NEGR1: variants seen among roughly 807,000 people sequenced by gnomAD.
The protein encoded by NEGR1 is neuronal growth regulator 1.
In NEGR1, 10 loss-of-function variants were observed where a neutral mutation model predicts 40.9. The ratio of observed to expected loss-of-function variants is 0.24; its 90% CI spans 0.15 to 0.42. NEGR1 has a LOEUF of 0.42. NEGR1 is among the 10% of genes least tolerant of loss of function. NEGR1 has a pLI of 1.00. For synonymous variants in NEGR1, 185 were observed against 166.8 expected, an observed-to-expected ratio of 1.11 and a Z score of -0.84; for missense variants, 352 against 438.9, an observed-to-expected ratio of 0.80 and a Z score of 1.77.
chr1:71,671,643 C>G (rs187688128), intron 4 of NEGR1, among the ~76,000 whole-genome samples: 132 of 152,234 alleles, frequency 8.7e-4, no homozygotes, highest in African/African-American at 3.0e-3. Flanking sequence ...CATCCTTTAT[C>G]TTTCATCACA....
At chr1:72,133,365 T>C (rs1468133219) in intron 1 of NEGR1, among the ~76,000 whole-genome samples, 1 of 152,126 alleles carries the variant, frequency 6.6e-6, no homozygotes, top group Non-Finnish European at 1.5e-5. Flanking sequence ...AAATATGTAA[T>C]GCAATGGGAA....
At chr1:71,457,519 G>C (rs1646681966) in intron 6 of NEGR1, among the ~76,000 whole-genome samples, 1 of 152,112 alleles carries the variant, frequency 6.6e-6, no homozygotes, top group East Asian at 1.9e-4. Context: ...AGGAAAAAGA[G>C]GAAACAAGAG....
rs1209579768 is a variant in NEGR1 at position 71,857,990 on chromosome 1, C to A, written c.409+77089G>T. Reference sequence around the variant, plus strand: ...ATATTCTCCAGGGCATTCAATTTGGCAGGCTTCACTTTTCTTTTCAACTCT... The same window carrying A: ...ATATTCTCCAGGGCATTCAATTTGGAAGGCTTCACTTTTCTTTTCAACTCT... On this transcript the variant is annotated intron_variant, in intron 2 of 6. Transcript: ENST00000357731. Among the ~76,000 whole-genome samples, 7 of 151,976 alleles carry A rather than the reference C, an allele frequency of 4.6e-5. No individual in the cohort carries two copies. The East Asian group carries it at 1.4e-3, about 29-fold the overall frequency.
At chr1:71,818,172 T>A (rs1171707518) in intron 2 of NEGR1, among the ~76,000 whole-genome samples, 1 of 151,842 alleles carries the variant, frequency 6.6e-6, no homozygotes, top group Non-Finnish European at 1.5e-5. Flanking sequence ...GACCCAGCAA[T>A]CTCATTATTA....
chr1:71,802,172 A>C (rs1657585948), intron 2 of NEGR1, among the ~76,000 whole-genome samples: 1 of 152,194 alleles, frequency 6.6e-6, no homozygotes, highest in Non-Finnish European at 1.5e-5. Context: ...GCTTAAGATA[A>C]AATGAGAAAG....
chr1:72,165,704 G>A (rs1337390776), intron 1 of NEGR1, among the ~76,000 whole-genome samples: 1 of 151,750 alleles, frequency 6.6e-6, no homozygotes, highest in Non-Finnish European at 1.5e-5. Context: ...GTCCATTCTC[G>A]GCATCTAAAT....
intron 1 of NEGR1, among the ~76,000 whole-genome samples, chr1:72,159,062 G>A (rs769004313): frequency 6.6e-6 from 1 of 152,082 alleles, no homozygotes; most frequent in Non-Finnish European, 1.5e-5. Context: ...TGTGAAATTT[G>A]TGTACTAGAT....
At chr1:71,953,644 GT>G (rs1438552411) in intron 1 of NEGR1, among the ~76,000 whole-genome samples, 2 of 151,928 alleles carry the variant, frequency 1.3e-5, no homozygotes, top group Admixed American at 6.6e-5. Context: ...GTCAGAAAGA[GT>G]CAATCAATGT....
chr1:71,547,117 C>T (rs1647924863), intron 6 of NEGR1, among the ~76,000 whole-genome samples: 1 of 151,716 alleles, frequency 6.6e-6, no homozygotes, highest in Non-Finnish European at 1.5e-5. Context: ...CACCAAATTC[C>T]TTTTCTTCCA....
At chr1:71,726,671 T>A (rs1570264571) in intron 3 of NEGR1, among the ~76,000 whole-genome samples, 1 of 152,162 alleles carries the variant, frequency 6.6e-6, no homozygotes, top group South Asian at 2.1e-4. Context: ...CTTTCCAGCA[T>A]CAATATCAAT....
chr1:72,005,207 A>G (rs1232499775), intron 1 of NEGR1, among the ~76,000 whole-genome samples: 1 of 152,114 alleles, frequency 6.6e-6, no homozygotes, highest in East Asian at 1.9e-4. Context: ...TGATATTTCT[A>G]CTATTATACA....
rs1411536262 is a variant in NEGR1 at position 71,407,403 on chromosome 1, C to T, written c.*43G>A. 3 of 1,596,538 alleles carry T rather than the reference C, an allele frequency of 1.9e-6. No individual in the cohort carries two copies. The Admixed American group carries it at 5.1e-5, about 27-fold the overall frequency. On this transcript the variant is annotated 3_prime_UTR_variant, in exon 7 of 7. Coordinates refer to ENST00000357731, the MANE Select transcript of NEGR1 (RefSeq NM_173808.3). ...GTACCAGATTGGATCCAGCCATCAGCACTTTCAGAGAATCCTTAAAAGCCT... is the reference window on the plus strand; with the variant it reads ...GTACCAGATTGGATCCAGCCATCAGTACTTTCAGAGAATCCTTAAAAGCCT...
At chr1:71,533,673 C>G (rs775782283) in intron 6 of NEGR1, among the ~76,000 whole-genome samples, 1 of 151,510 alleles carries the variant, frequency 6.6e-6, no homozygotes, top group Admixed American at 6.6e-5. Context: ...CAAATAAATT[C>G]TATGGTATTT....
intron 3 of NEGR1, among the ~76,000 whole-genome samples, chr1:71,701,304 A>T (rs1171501005): frequency 2.0e-5 from 3 of 151,712 alleles, no homozygotes; most frequent in African/African-American, 7.3e-5. Context: ...AAGTTTCCTG[A>T]TGTTGCAGCA....
At chr1:72,153,338 T>C (rs1172166126) in intron 1 of NEGR1, among the ~76,000 whole-genome samples, 6 of 151,756 alleles carry the variant, frequency 4.0e-5, no homozygotes, top group Admixed American at 3.3e-4. Context: ...CACACACAAA[T>C]ACAAAAGCAC....
At chr1:72,045,471 G>C (rs371978038) in intron 1 of NEGR1, among the ~76,000 whole-genome samples, 1 of 151,746 alleles carries the variant, frequency 6.6e-6, no homozygotes, top group Admixed American at 6.6e-5. Context: ...TGAAATATGG[G>C]GGTGGGTGTT....
chr1:71,757,917 T>A (rs954596752), intron 3 of NEGR1, among the ~76,000 whole-genome samples: 1 of 152,230 alleles, frequency 6.6e-6, no homozygotes, highest in African/African-American at 2.4e-5. Context: ...ATGAAGTATA[T>A]GGTAAATTTT....
At chr1:71,644,854 T>A (rs1651480171) in intron 4 of NEGR1, among the ~76,000 whole-genome samples, 1 of 151,978 alleles carries the variant, frequency 6.6e-6, no homozygotes. Flanking sequence ...CAGGGGCTTA[T>A]TTCAATAACT....
chr1:72,011,513 G>T (rs1646657017), intron 1 of NEGR1, among the ~76,000 whole-genome samples: 1 of 152,116 alleles, frequency 6.6e-6, no homozygotes, highest in Non-Finnish European at 1.5e-5. Context: ...CCAACATTTA[G>T]TGAGGTCAGT....
Sources: allele counts gnomAD v4.1 joint callset (sites outside exome capture counted in the v4.1 genomes callset), GRCh38; gene constraint gnomAD v4.1.1; transcripts MANE v1.5; gene names NCBI Gene and HGNC (gene_info 2026-07-23, HGNC 2026-07-21).